Variants in SUCLG2 observed in about 807,000 individuals in gnomAD.
The protein encoded by SUCLG2 is succinate--CoA ligase [GDP-forming] subunit beta, mitochondrial.
SUCLG2 carries 42 observed loss-of-function variants against 47.9 expected under a neutral mutation model. The observed-to-expected ratio is 0.88, with a 90% CI of 0.69 to 1.14. The LOEUF (loss-of-function observed/expected upper bound fraction) is 1.14. Ranked by LOEUF, SUCLG2 falls within the 50% of genes most tolerant of loss-of-function variation. SUCLG2 has a pLI of 0.00. For synonymous variants in SUCLG2, 195 were observed against 197.3 expected (o/e 0.99, Z 0.10); for missense variants, 571 against 525.9 (o/e 1.09, Z -0.84).
chr3:67,534,768 C>CAAAAAAAAAAAAAAAAAAAAAAAAAA (rs60612549), intron 2 of SUCLG2, among the ~76,000 whole-genome samples: 1 of 34,946 alleles, frequency 2.9e-5, no homozygotes, highest in African/African-American at 8.8e-5. Context: ...ACACTGATGG[C>CAAAAAAAAAAAAAAAAAAAAAAAAAA]AAAAAAAAAA....
At chr3:67,399,337 C>G (rs748071063) in intron 10 of SUCLG2, among the ~76,000 whole-genome samples, 8 of 152,156 alleles carry the variant, frequency 5.3e-5, no homozygotes, top group Non-Finnish European at 1.2e-4. Context: ...GTCTGGGTAT[C>G]AAGCTAAACT....
chr3:67,597,227 T>C (rs1708313535), intron 2 of SUCLG2, among the ~76,000 whole-genome samples: 1 of 152,210 alleles, frequency 6.6e-6, no homozygotes, highest in Non-Finnish European at 1.5e-5. Flanking sequence ...GATGTGTCCC[T>C]TCTTAATTTC....
chr3:67,642,349 A>C (rs1701116145), intron 1 of SUCLG2, among the ~76,000 whole-genome samples: 2 of 152,158 alleles, frequency 1.3e-5, no homozygotes, highest in Admixed American at 1.3e-4. Flanking sequence ...TCACACCCGT[A>C]ATCTCAGCAC....
intron 9 of SUCLG2, among the ~76,000 whole-genome samples, chr3:67,432,544 C>T (rs1006442547): frequency 6.6e-6 from 1 of 152,154 alleles, no homozygotes; most frequent in African/African-American, 2.4e-5. Flanking sequence ...AATTTCTATC[C>T]TTATGCCTAG....
At chr3:67,654,352 G>T in intron 1 of SUCLG2, 151 bp downstream of exon 1, 1 of 556,628 alleles carries the variant, frequency 1.8e-6, no homozygotes, top group Non-Finnish European at 2.7e-6. Flanking sequence ...TCCCTGCTGC[G>T]CCTGGACCCG....
At position 67,422,473 on chromosome 3, in the gene SUCLG2, CAAAAAAAAAAAAA is replaced by C. The variant is rs58345420; in HGVS notation, c.1063-21635_1063-21623del. On this transcript the variant is annotated intron_variant, in intron 9 of 10. Coordinates refer to ENST00000307227, the MANE Select transcript of SUCLG2 (RefSeq NM_003848.4). ...CTGGTGACAGAGCGAGACTCCATCT[CAAAAAAAAAAAAA>C]AAAAAAAAAAAAAAAAAGAACATTC... is the stretch of plus-strand genomic sequence containing the variant. 0.012 allele frequency among the ~76,000 whole-genome samples: 365 copies of C among 30,686 alleles called. 11 individuals are homozygous for C. In the East Asian group the frequency reaches 0.23, roughly 19 times the overall value. 20.1% of individuals were successfully genotyped at this position (30,686 alleles called of 152,430 possible). A position where few individuals can be genotyped will look rare whatever the true frequency, so the allele number is the denominator to read the frequency against.
chr3:67,400,989 A>T, intron 9 of SUCLG2, 138 bp from the exon 10 acceptor site: 1 of 1,235,940 alleles, frequency 8.1e-7, no homozygotes, highest in Non-Finnish European at 1.1e-6. Flanking sequence ...ATAAAATACA[A>T]AAATGGCCCA....
At chr3:67,612,451 G>A (rs945222940) in intron 1 of SUCLG2, among the ~76,000 whole-genome samples, 1 of 152,162 alleles carries the variant, frequency 6.6e-6, no homozygotes, top group Non-Finnish European at 1.5e-5. Flanking sequence ...GAAGAAATCT[G>A]CTATGCAAAT....
Position 67,440,095 on chromosome 3 carries a change from A to T in SUCLG2, c.1063-39244T>A, listed in dbSNP as rs1703721974. 3.9e-5 allele frequency among the ~76,000 whole-genome samples: 6 copies of T among 152,232 alleles called. No individual in the cohort carries two copies. The South Asian group carries it at 1.2e-3, about 31-fold the overall frequency. ...AACGCCACACATCAACAGCCATCTG[A>T]TCTTTGACAAACCTGACAAAAACAA... is the stretch of plus-strand genomic sequence containing the variant. On this transcript the variant is annotated intron_variant, in intron 9 of 10. Transcript: ENST00000307227.
chr3:67,527,870 G>C (rs542266003), intron 4 of SUCLG2, among the ~76,000 whole-genome samples: 1 of 152,174 alleles, frequency 6.6e-6, no homozygotes, highest in African/African-American at 2.4e-5. Flanking sequence ...TGTTCTCAGA[G>C]GGAAAGCCAT....
intron 10 of SUCLG2, among the ~76,000 whole-genome samples, chr3:67,378,365 C>CT (rs1267304628): frequency 3.3e-5 from 5 of 152,136 alleles, no homozygotes; most frequent in Admixed American, 3.3e-4. Context: ...CCCTTTAACT[C>CT]TTTTTTCACT....
intron 2 of SUCLG2, among the ~76,000 whole-genome samples, chr3:67,566,082 T>C (rs1448434966): frequency 6.6e-6 from 1 of 152,190 alleles, no homozygotes; most frequent in African/African-American, 2.4e-5. Context: ...ACCTGTCCAC[T>C]TAAGACAAGA....
intron 2 of SUCLG2, among the ~76,000 whole-genome samples, chr3:67,542,562 C>T (rs1706747771): frequency 6.6e-6 from 1 of 152,148 alleles, no homozygotes; most frequent in Non-Finnish European, 1.5e-5. Context: ...CAAGACCCAT[C>T]AGTGTGCTGT....
chr3:67,629,902 A>G (rs1415302258), intron 1 of SUCLG2, among the ~76,000 whole-genome samples: 2 of 152,156 alleles, frequency 1.3e-5, no homozygotes, highest in African/African-American at 4.8e-5. Flanking sequence ...TATTCATTAT[A>G]CCACACATTA....
intron 9 of SUCLG2, among the ~76,000 whole-genome samples, chr3:67,409,280 C>G (rs117673251): frequency 0.013 from 2,042 of 152,228 alleles, 27 homozygotes; most frequent in Middle Eastern, 0.071. Flanking sequence ...ACTCTCTCTG[C>G]AGACTGATAG....
intron 1 of SUCLG2, among the ~76,000 whole-genome samples, chr3:67,649,780 G>A (rs1182480205): frequency 6.6e-6 from 1 of 152,236 alleles, no homozygotes; most frequent in East Asian, 1.9e-4. Context: ...GTAACAGAAA[G>A]TGATGCATCA....
At chr3:67,366,004 T>C (rs1445440913) in intron 10 of SUCLG2, among the ~76,000 whole-genome samples, 1 of 152,210 alleles carries the variant, frequency 6.6e-6, no homozygotes, top group Admixed American at 6.5e-5. Context: ...TTAAAATTTG[T>C]AACTTAATTA....
chr3:67,447,253 T>C (rs1703948894), intron 9 of SUCLG2, among the ~76,000 whole-genome samples: 2 of 152,194 alleles, frequency 1.3e-5, no homozygotes, highest in South Asian at 4.1e-4. Context: ...AATACTATAA[T>C]TAAATACAAA....
chr3:67,478,816 A>G (rs561592999), intron 9 of SUCLG2, among the ~76,000 whole-genome samples: 3 of 152,334 alleles, frequency 2.0e-5, no homozygotes, highest in African/African-American at 7.2e-5. Context: ...TCATCGGGTC[A>G]GCGTCTCACC....
Sources: allele counts gnomAD v4.1 joint callset (sites outside exome capture counted in the v4.1 genomes callset), GRCh38; gene constraint gnomAD v4.1.1; transcripts MANE v1.5; gene names NCBI Gene and HGNC (gene_info 2026-07-23, HGNC 2026-07-21).